The following NRP2 variants were observed in gnomAD, a reference collection of about 807,000 sequenced individuals.
NRP2 encodes the protein neuropilin-2.
NRP2 carries 52 observed loss-of-function variants against 110.4 expected under a neutral mutation model. The ratio of observed to expected loss-of-function variants is 0.47; its 90% confidence interval spans 0.38 to 0.59. The LOEUF (loss-of-function observed/expected upper bound fraction) is 0.59. Among genes scored for constraint, NRP2 ranks in the 20% least tolerant of loss-of-function variants. NRP2 has a pLI of 0.00. For missense variants in NRP2, 1,049 were observed against 1,203.0 expected, an observed-to-expected ratio of 0.87 and a Z score of 1.89; for synonymous variants, 508 against 468.9, an observed-to-expected ratio of 1.08 and a Z score of -1.08.
chr2:205,740,394 T>C, intron 7 of NRP2, 125 bp from the exon 8 acceptor site: 1 of 970,176 alleles, frequency 1.0e-6, no homozygotes. Context: ...ACATACCCAC[T>C]GATTATTTTT....
In NRP2 at chr2:205,745,868, G is replaced by A. The variant is rs774987439; in HGVS notation, c.1764G>A (p.Glu588=). 3.1e-6 allele frequency: 5 copies of A among 1,614,118 alleles called. No individual in the cohort carries two copies. The East Asian group carries it at 8.9e-5, about 29-fold the overall frequency. ...WSPAGIGMRL[E]VLGCDWTDSK... is the part of the protein sequence containing the mutation. ...CGGCGGGGATTGGGATGCGGCTGGAGGTGCTGGGCTGTGACTGGACAGGTA... is the reference window on the plus strand; with the variant it reads ...CGGCGGGGATTGGGATGCGGCTGGAAGTGCTGGGCTGTGACTGGACAGGTA... The change falls in exon 10 of 17, where the codon GAG becomes GAA. Residue 588 remains glutamate, a synonymous_variant. Coordinates refer to ENST00000357785, the MANE Select transcript of NRP2 (RefSeq NM_003872.3).
At chr2:205,779,999 C>T (rs752021919) in intron 15 of NRP2, among the ~76,000 whole-genome samples, 1 of 152,174 alleles carries the variant, frequency 6.6e-6, no homozygotes, top group Admixed American at 6.5e-5. Flanking sequence ...TGAGATTCCA[C>T]GAAATTTCTC....
intron 7 of NRP2, among the ~76,000 whole-genome samples, chr2:205,728,949 T>G (rs2057183781): frequency 6.6e-6 from 1 of 151,738 alleles, no homozygotes; most frequent in Non-Finnish European, 1.5e-5. Context: ...AAAAAGGAGG[T>G]AGGGAGGGAG....
intron 15 of NRP2, among the ~76,000 whole-genome samples, chr2:205,781,348 T>C (rs1336993803): frequency 2.6e-5 from 4 of 152,256 alleles, no homozygotes; most frequent in Non-Finnish European, 1.5e-5. Context: ...TTTGTTTCCA[T>C]GGATCATAAA....
At position 205,716,299 on chromosome 2, in the gene NRP2, C is replaced by G. The variant is rs1331786240; in HGVS notation, c.358C>G (p.Leu120Val). The change falls in exon 3 of 17, where the codon CTC becomes GTC. Residue 120 changes from leucine (L) to valine (V), a missense_variant. By Grantham distance (32) the Leu-to-Val change is conservative. Transcript: ENST00000357785. Reference protein sequence around the residue: ...PPTIISSGSMLYIKFTSDYAR... With the variant: ...PPTIISSGSMVYIKFTSDYAR... The stretch of plus-strand genomic sequence containing the variant: ...CACCATCATCTCCTCGGGCTCCATG[C>G]TCTACATCAAGTTCACCTCCGACTA... The G allele has an allele frequency of 6.2e-7, 1 of 1,614,184 alleles. No individual in the cohort carries two copies. Among genetic ancestry groups the G allele is most frequent in the Non-Finnish European group, 8.5e-7 (1 of 1,180,040 alleles).
At chr2:205,707,916 C>T (rs1351273417) in intron 2 of NRP2, among the ~76,000 whole-genome samples, 1 of 152,164 alleles carries the variant, frequency 6.6e-6, no homozygotes, top group Non-Finnish European at 1.5e-5. Flanking sequence ...GCAGGCAGCC[C>T]CACCGGGCAC....
At chr2:205,736,567 G>T (rs963146582) in intron 7 of NRP2, among the ~76,000 whole-genome samples, 1 of 152,164 alleles carries the variant, frequency 6.6e-6, no homozygotes, top group Non-Finnish European at 1.5e-5. Context: ...CCTGTGCAAA[G>T]ACCCACTTGT....
chr2:205,748,485 T>C (rs2057580911), intron 10 of NRP2, among the ~76,000 whole-genome samples: 1 of 152,230 alleles, frequency 6.6e-6, no homozygotes, highest in South Asian at 2.1e-4. Flanking sequence ...GGTTATTTGC[T>C]ATTTACTGTG....
At chr2:205,777,234 T>C (rs1051062833) in intron 15 of NRP2, 2 of 807,652 alleles carry the variant, frequency 2.5e-6, no homozygotes, top group East Asian at 1.2e-4. Context: ...GGATGCAGTG[T>C]GGCTTCTCCC....
At chr2:205,791,482 G>C (rs2058301001) in intron 15 of NRP2, among the ~76,000 whole-genome samples, 1 of 152,232 alleles carries the variant, frequency 6.6e-6, no homozygotes, top group Non-Finnish European at 1.5e-5. Flanking sequence ...AAGTTGGACA[G>C]CACAGTGAAT....
Position 205,745,760 on chromosome 2 carries a change from C to T in NRP2, c.1656C>T (p.Asn552=), listed in dbSNP as rs1050251381. 6 of 1,614,112 alleles carry T rather than the reference C, an allele frequency of 3.7e-6. No individual in the cohort carries two copies. The African/African-American group carries it at 5.3e-5, about 14-fold the overall frequency. ...RTQQPKLFEG[N]MHYDTPDIRR... is the part of the protein sequence containing the mutation. Reference sequence around the variant, plus strand: ...TCTCCCTGCAGCTGTTCGAAGGGAACATGCACTATGACACCCCTGACATCC... The same window carrying T: ...TCTCCCTGCAGCTGTTCGAAGGGAATATGCACTATGACACCCCTGACATCC... The change falls in exon 10 of 17, where the codon AAC becomes AAT. Residue 552 remains asparagine, a synonymous_variant. Transcript: ENST00000357785.
At chr2:205,683,813 G>A (rs1002762870) in intron 1 of NRP2, among the ~76,000 whole-genome samples, 6 of 152,270 alleles carry the variant, frequency 3.9e-5, no homozygotes, top group East Asian at 3.9e-4. Context: ...AAGGGCTTGG[G>A]AAAGACAAGA....
chr2:205,748,073 T>A (rs2057571431), intron 10 of NRP2, among the ~76,000 whole-genome samples: 1 of 151,868 alleles, frequency 6.6e-6, no homozygotes, highest in African/African-American at 2.4e-5. Context: ...GAGGCCTCGG[T>A]GCCCGCCGTT....
At chr2:205,729,276 A>G (rs1307359421) in intron 7 of NRP2, among the ~76,000 whole-genome samples, 1 of 152,224 alleles carries the variant, frequency 6.6e-6, no homozygotes, top group Admixed American at 6.5e-5. Context: ...TCTGGATATT[A>G]CCAGGTATCT....
At chr2:205,689,723 T>C (rs1459804410) in intron 1 of NRP2, among the ~76,000 whole-genome samples, 1 of 152,174 alleles carries the variant, frequency 6.6e-6, no homozygotes, top group Non-Finnish European at 1.5e-5. Flanking sequence ...TATTTTCTTT[T>C]TAATCTCTCA....
chr2:205,751,459 T>G (rs905544753), intron 11 of NRP2, among the ~76,000 whole-genome samples: 1 of 152,026 alleles, frequency 6.6e-6, no homozygotes, highest in Non-Finnish European at 1.5e-5. Flanking sequence ...AATTCAGAAA[T>G]TGTCAGGAGA....
chr2:205,757,563 A>T (rs2057753706), intron 12 of NRP2, among the ~76,000 whole-genome samples: 1 of 152,200 alleles, frequency 6.6e-6, no homozygotes, highest in African/African-American at 2.4e-5. Context: ...GCAAGTGGTG[A>T]CTGAATTGAA....
intron 3 of NRP2, among the ~76,000 whole-genome samples, chr2:205,717,524 G>T (rs566192128): frequency 6.6e-6 from 1 of 152,346 alleles, no homozygotes; most frequent in Admixed American, 6.5e-5. Flanking sequence ...GAACAAGAAC[G>T]TGGAATCAAA....
chr2:205,793,311 T>C (rs1430146300), intron 16 of NRP2, among the ~76,000 whole-genome samples: 2 of 152,222 alleles, frequency 1.3e-5, no homozygotes, highest in Admixed American at 1.3e-4. Context: ...CTGGAGTGAG[T>C]TACCTAGTTG....
Sources: gnomAD v4.1 joint callset for allele counts (sites outside exome capture counted in the v4.1 genomes callset) on GRCh38, gnomAD v4.1.1 for gene constraint, MANE v1.5 for transcripts, NCBI Gene and HGNC (gene_info 2026-07-23, HGNC 2026-07-21) for gene names.